SLC24A2: variants seen among roughly 807,000 people sequenced by gnomAD.
The protein encoded by SLC24A2 is sodium/potassium/calcium exchanger 2.
Under a neutral mutation model 62.0 loss-of-function variants are expected in SLC24A2, and 36 were observed. The observed-to-expected ratio is 0.58, with a 90% CI of 0.44 to 0.77. The LOEUF is 0.77. Among genes scored for constraint, SLC24A2 ranks in the 30% least tolerant of loss-of-function variants. SLC24A2 has a pLI of 0.00. For missense variants in SLC24A2, 846 were observed against 817.9 expected, an observed-to-expected ratio of 1.03 and a Z score of -0.42; for synonymous variants, 358 against 294.0, an observed-to-expected ratio of 1.22 and a Z score of -2.23.
At chr9:19,685,422 T>C (rs1819851759) in intron 2 of SLC24A2, among the ~76,000 whole-genome samples, 1 of 152,136 alleles carries the variant, frequency 6.6e-6, no homozygotes, top group Admixed American at 6.6e-5. Context: ...TTAAAAATTA[T>C]ATGGAACCAA....
chr9:20,175,907 G>C, the SLC24A2 span, among the ~76,000 whole-genome samples: 1 of 152,050 alleles, frequency 6.6e-6, no homozygotes, highest in East Asian at 1.9e-4. Context: ...AAGAAGCTTT[G>C]TGGGTTAGAG....
chr9:19,532,564 T>TA (rs577831430), intron 8 of SLC24A2, among the ~76,000 whole-genome samples: 176 of 152,352 alleles, frequency 1.2e-3, no homozygotes, highest in African/African-American at 4.0e-3. Flanking sequence ...AGCCTGCAGA[T>TA]ATGAAGAGCC....
At chr9:20,091,214 G>A in the SLC24A2 span, among the ~76,000 whole-genome samples, 11 of 150,652 alleles carry the variant, frequency 7.3e-5, no homozygotes, top group Non-Finnish European at 1.6e-4. Flanking sequence ...TACGTAAAGA[G>A]GTCAAATCTA....
At chr9:19,681,147 G>C (rs1267577346) in intron 2 of SLC24A2, among the ~76,000 whole-genome samples, 1 of 151,982 alleles carries the variant, frequency 6.6e-6, no homozygotes, top group African/African-American at 2.4e-5. Flanking sequence ...ACAACTACCT[G>C]CTTCCAATCT....
At chr9:20,050,033 G>A in the SLC24A2 span, among the ~76,000 whole-genome samples, 1 of 152,034 alleles carries the variant, frequency 6.6e-6, no homozygotes, top group Non-Finnish European at 1.5e-5. Context: ...TCACCCTATG[G>A]ACTGGAGCAG....
At chr9:19,642,471 G>C (rs1253812790) in intron 2 of SLC24A2, among the ~76,000 whole-genome samples, 2 of 152,104 alleles carry the variant, frequency 1.3e-5, no homozygotes, top group African/African-American at 4.8e-5. Flanking sequence ...CCAGCTGGCA[G>C]TGTACAAAAA....
At chr9:20,220,216 A>G in the SLC24A2 span, among the ~76,000 whole-genome samples, 2 of 152,128 alleles carry the variant, frequency 1.3e-5, no homozygotes, top group Non-Finnish European at 2.9e-5. Context: ...TGCAACCTAT[A>G]ACATTGTCAC....
chr9:20,161,198 G>C, the SLC24A2 span, among the ~76,000 whole-genome samples: 1 of 151,302 alleles, frequency 6.6e-6, no homozygotes, highest in Admixed American at 6.6e-5. Context: ...AAAGAGACAA[G>C]AGGCTTTAAA....
chr9:19,902,992 A>G, the SLC24A2 span, among the ~76,000 whole-genome samples: 63 of 152,286 alleles, frequency 4.1e-4, 1 homozygote, highest in African/African-American at 1.4e-3. Context: ...TACCTAGGAA[A>G]AAGAGTCACT....
chr9:19,698,492 C>T (rs1057045799), intron 2 of SLC24A2, among the ~76,000 whole-genome samples: 1 of 152,068 alleles, frequency 6.6e-6, no homozygotes, highest in African/African-American at 2.4e-5. Context: ...GCTGTGTCTA[C>T]AAAAATAAAA....
chr9:19,521,856 CTTTTTTTCT>C (rs1384348124), intron 9 of SLC24A2, among the ~76,000 whole-genome samples: 26 of 133,870 alleles, frequency 1.9e-4, no homozygotes, highest in African/African-American at 7.3e-4. Flanking sequence ...GTGGCTATTA[CTTTTTTTCT>C]TTTTTTTTCT....
chr9:19,529,896 C>T (rs1184676750), intron 8 of SLC24A2, among the ~76,000 whole-genome samples: 11 of 151,570 alleles, frequency 7.3e-5, no homozygotes, highest in African/African-American at 1.9e-4. Context: ...ATTACAGGCA[C>T]CTGCCACCAC....
the SLC24A2 span, among the ~76,000 whole-genome samples, chr9:19,950,214 T>C: frequency 1.3e-5 from 2 of 152,184 alleles, no homozygotes; most frequent in Admixed American, 1.3e-4. Flanking sequence ...AATATCTTCC[T>C]TATAGGGTTG....
At chr9:19,818,714 A>C in the SLC24A2 span, among the ~76,000 whole-genome samples, 1 of 152,288 alleles carries the variant, frequency 6.6e-6, no homozygotes, top group African/African-American at 2.4e-5. Flanking sequence ...AAACAAATGG[A>C]AACACATCCC....
the SLC24A2 span, among the ~76,000 whole-genome samples, chr9:20,306,545 C>T: frequency 6.6e-6 from 1 of 152,248 alleles, no homozygotes; most frequent in Non-Finnish European, 1.5e-5. Flanking sequence ...CCTCCATCTC[C>T]TGCCTGAGGA....
chr9:19,629,840 CTT>C (rs902979218), intron 2 of SLC24A2, among the ~76,000 whole-genome samples: 3 of 152,278 alleles, frequency 2.0e-5, no homozygotes, highest in South Asian at 2.1e-4. Flanking sequence ...AATAGTCACT[CTT>C]GGTGTTTAAA....
intron 2 of SLC24A2, among the ~76,000 whole-genome samples, chr9:19,700,892 T>C (rs1820336726): frequency 6.6e-6 from 1 of 152,178 alleles, no homozygotes; most frequent in African/African-American, 2.4e-5. Flanking sequence ...TTCTAAGAAA[T>C]GCAGACCTAA....
chr9:19,759,006 G>C (rs13296551), intron 2 of SLC24A2, among the ~76,000 whole-genome samples: 2 of 152,014 alleles, frequency 1.3e-5, no homozygotes, highest in African/African-American at 4.8e-5. Flanking sequence ...AGATTGCACA[G>C]CAATCAGTAT....
the SLC24A2 span, among the ~76,000 whole-genome samples, chr9:20,019,001 T>G: frequency 9.3e-5 from 14 of 150,612 alleles, no homozygotes; most frequent in African/African-American, 3.4e-4. Flanking sequence ...GAGACAGAGG[T>G]TGAGTGAGCT....
Sources: allele counts gnomAD v4.1 joint callset (sites outside exome capture counted in the v4.1 genomes callset), GRCh38; gene constraint gnomAD v4.1.1; transcripts MANE v1.5; gene names NCBI Gene and HGNC (gene_info 2026-07-23, HGNC 2026-07-21).